The following PALD1 variants were observed in gnomAD, a reference collection of about 807,000 sequenced individuals.
PALD1 encodes the protein paladin.
Under a neutral mutation model 96.0 loss-of-function variants are expected in PALD1, and 57 were observed. That is an observed-to-expected ratio of 0.59 (90% CI 0.48 to 0.74). The LOEUF (loss-of-function observed/expected upper bound fraction) is 0.74, where lower values mean the gene tolerates loss of function less well. PALD1 is among the 30% of genes least tolerant of loss of function. PALD1 has a pLI of 0.00. For synonymous variants in PALD1, 464 were observed against 473.6 expected, an observed-to-expected ratio of 0.98 and a Z score of 0.26; for missense variants, 1,063 against 1,143.7, an observed-to-expected ratio of 0.93 and a Z score of 1.02.
At chr10:70,488,298 T>G (rs969204163) in intron 1 of PALD1, among the ~76,000 whole-genome samples, 3 of 152,020 alleles carry the variant, frequency 2.0e-5, no homozygotes, top group Middle Eastern at 3.2e-3. Context: ...TTTTTGTATT[T>G]TTAGTAGAGA....
chr10:70,532,833 T>C, intron 6 of PALD1, 52 bp downstream of exon 6: 1 of 1,593,332 alleles, frequency 6.3e-7, no homozygotes, highest in Non-Finnish European at 8.6e-7. Flanking sequence ...GGTCCTGCTC[T>C]CCAGCTGCAG....
chr10:70,545,686 C>A (rs1262674595), intron 17 of PALD1, among the ~76,000 whole-genome samples: 2 of 151,984 alleles, frequency 1.3e-5, no homozygotes, highest in Non-Finnish European at 2.9e-5. Context: ...GATCTCCCCA[C>A]CTCGGCCTCC....
intron 1 of PALD1, among the ~76,000 whole-genome samples, chr10:70,487,208 A>G (rs915787359): frequency 7.2e-5 from 10 of 138,876 alleles, no homozygotes; most frequent in Admixed American, 2.4e-4. Context: ...ATCTTGGCTC[A>G]CTGCAAGCTC....
intron 18 of PALD1, among the ~76,000 whole-genome samples, chr10:70,555,434 A>G (rs1019884595): frequency 3.9e-5 from 6 of 152,084 alleles, no homozygotes; most frequent in African/African-American, 1.4e-4. Flanking sequence ...CTGGTTCCCA[A>G]CTCCTCGACT....
intron 1 of PALD1, among the ~76,000 whole-genome samples, chr10:70,491,341 A>G (rs1485934066): frequency 3.9e-5 from 6 of 152,196 alleles, no homozygotes; most frequent in African/African-American, 1.4e-4. Flanking sequence ...CCTGACTGCT[A>G]AGAGGCTGGG....
intron 1 of PALD1, among the ~76,000 whole-genome samples, chr10:70,524,675 T>C (rs1472191547): frequency 1.3e-5 from 2 of 152,224 alleles, no homozygotes; most frequent in Non-Finnish European, 2.9e-5. Flanking sequence ...TGGCCTGCAC[T>C]TCCTATGCAA....
chr10:70,481,440 A>G (rs1372186805), intron 1 of PALD1, among the ~76,000 whole-genome samples: 1 of 152,230 alleles, frequency 6.6e-6, no homozygotes, highest in Non-Finnish European at 1.5e-5. Context: ...CAAAAAGCTC[A>G]GTCTCCTGTG....
chr10:70,462,126 A>C, the PALD1 span, among the ~76,000 whole-genome samples: 1 of 152,166 alleles, frequency 6.6e-6, no homozygotes, highest in Admixed American at 6.5e-5. Context: ...ATGTCCTACA[A>C]GGGGACTAGG....
At chr10:70,554,927 C>A in intron 18 of PALD1, among the ~76,000 whole-genome samples, 1 of 19,670 alleles carries the variant, frequency 5.1e-5, no homozygotes, top group African/African-American at 1.8e-4. Context: ...CTCCCCTCCC[C>A]CTCCTCCCCC....
At chr10:70,531,582 T>C in intron 5 of PALD1, 128 bp downstream of exon 5, 1 of 867,388 alleles carries the variant, frequency 1.2e-6, no homozygotes, top group Non-Finnish European at 1.7e-6. Context: ...CTTGGGTGAG[T>C]GGCTGGCTGC....
the PALD1 span, among the ~76,000 whole-genome samples, chr10:70,466,228 T>C: frequency 6.6e-6 from 1 of 152,094 alleles, no homozygotes; most frequent in Non-Finnish European, 1.5e-5. Flanking sequence ...ATACATAACA[T>C]GAAGTTTGCC....
intron 1 of PALD1, among the ~76,000 whole-genome samples, chr10:70,510,554 A>C (rs542020945): frequency 1.3e-5 from 2 of 152,160 alleles, no homozygotes; most frequent in Non-Finnish European, 2.9e-5. Context: ...TTTCAGAAGA[A>C]GGCATTGCCT....
chr10:70,531,742 A>T lies in PALD1; in HGVS notation c.633+288A>T, dbSNP rs150569011. Among the ~76,000 whole-genome samples, 1,425 of 152,096 alleles carry T rather than the reference A, an allele frequency of 9.4e-3. 29 individuals carry two copies. Among genetic ancestry groups the T allele is most frequent in the African/African-American group, 0.033 (1,367 of 41,492 alleles). ...CCGGGTGCAGTGGCTTATACCTGTAATTCCAGCACTTTGGGAGGCCGAGGT... is the reference window on the plus strand; with the variant it reads ...CCGGGTGCAGTGGCTTATACCTGTATTTCCAGCACTTTGGGAGGCCGAGGT... On this transcript the variant is annotated intron_variant, in intron 5 of 19. Transcript: ENST00000263563.
intron 1 of PALD1, among the ~76,000 whole-genome samples, chr10:70,483,776 G>A (rs945830139): frequency 5.3e-5 from 8 of 152,214 alleles, no homozygotes; most frequent in African/African-American, 1.9e-4. Flanking sequence ...TCCTGGAATG[G>A]AGAATCTCCT....
chr10:70,479,540 C>T (rs1293424256), intron 1 of PALD1, among the ~76,000 whole-genome samples: 2 of 152,186 alleles, frequency 1.3e-5, no homozygotes, highest in African/African-American at 4.8e-5. Context: ...TGGCCCTCTT[C>T]CTCTGTAGGC....
intron 1 of PALD1, among the ~76,000 whole-genome samples, chr10:70,525,533 C>T (rs1382388324): frequency 6.6e-6 from 1 of 152,024 alleles, no homozygotes; most frequent in Non-Finnish European, 1.5e-5. Context: ...GTGACATTTC[C>T]TGCTTCTCCT....
chr10:70,564,409 C>T lies in PALD1; in HGVS notation c.2308C>T (p.Arg770Trp), dbSNP rs150506503. 86 of 1,614,030 alleles carry T rather than the reference C, an allele frequency of 5.3e-5. No individual in the cohort carries two copies. The African/African-American group carries it at 6.0e-4, about 11-fold the overall frequency. The stretch of plus-strand genomic sequence containing the variant: ...GCAAGAAATGCGGAGGCTGCAGCTG[C>T]GGAGCCTGCAGTACTTGGAGCGCTA... The part of the protein sequence containing the change: ...EAQEMRRLQL[R>W]SLQYLERYVC... The change falls in exon 19 of 20, where the codon CGG becomes TGG. Residue 770 changes from arginine (R) to tryptophan (W), a missense_variant. Coordinates refer to ENST00000263563, the MANE Select transcript of PALD1 (RefSeq NM_014431.3).
intron 18 of PALD1, among the ~76,000 whole-genome samples, chr10:70,554,899 A>G (rs1847560656): frequency 2.4e-5 from 2 of 84,270 alleles, no homozygotes; most frequent in African/African-American, 4.8e-5. Flanking sequence ...GTGCTTTTTG[A>G]GCCTCCCCTC....
At chr10:70,554,900 GCCTCCCCTCC>G (rs1847560723) in intron 18 of PALD1, among the ~76,000 whole-genome samples, 2 of 75,972 alleles carry the variant, frequency 2.6e-5, no homozygotes, top group Non-Finnish European at 2.5e-5. Flanking sequence ...TGCTTTTTGA[GCCTCCCCTCC>G]CCTCTCCTCC....
Sources: allele counts gnomAD v4.1 joint callset (sites outside exome capture counted in the v4.1 genomes callset), GRCh38; gene constraint gnomAD v4.1.1; transcripts MANE v1.5; gene names NCBI Gene and HGNC (gene_info 2026-07-23, HGNC 2026-07-21).